CNN2: variants seen among roughly 807,000 people sequenced by gnomAD.
CNN2 encodes the protein calponin-2.
Under a neutral mutation model 31.0 loss-of-function variants are expected in CNN2, and 21 were observed. That is an observed-to-expected ratio of 0.68 (90% CI 0.48 to 0.98). The LOEUF is 0.98. CNN2 is among the 50% of genes least tolerant of loss of function. The pLI is 0.00. For missense variants in CNN2, 399 were observed against 427.3 expected (o/e 0.93, Z 0.58); for synonymous variants, 165 against 179.6 (o/e 0.92, Z 0.65).
At chr19:1,026,788 G>T in intron 1 of CNN2, 64 bp downstream of exon 1, 1 of 1,474,578 alleles carries the variant, frequency 6.8e-7, no homozygotes, top group Non-Finnish European at 9.1e-7. Flanking sequence ...ACCGGTGCAG[G>T]AGCCCCCAGG....
chr19:1,031,564 C>CAAA (rs536524090), intron 2 of CNN2, among the ~76,000 whole-genome samples: 669 of 66,326 alleles, frequency 0.01, 46 homozygotes, highest in African/African-American at 0.045. Flanking sequence ...GACTCCATCT[C>CAAA]AAAAAAAAAA....
intron 2 of CNN2, among the ~76,000 whole-genome samples, chr19:1,032,077 A>T (rs1162139108): frequency 6.6e-6 from 1 of 151,850 alleles, no homozygotes; most frequent in African/African-American, 2.4e-5. Context: ...AAAATGCAAA[A>T]ATTAGCCGGG....
In CNN2 at chr19:1,026,652, C is replaced by T. The variant is rs2039400106; in HGVS notation, c.-10C>T. On this transcript the variant is annotated 5_prime_UTR_variant, in exon 1 of 7. Transcript: ENST00000263097. ...CTGTGCGGCCCCGTCCCGCCGCCCG[C>T]CCGCCAGCCATGAGCTCCACGCAGT... The T allele has an allele frequency of 6.5e-7, 1 of 1,536,652 alleles. No individual in the cohort carries two copies.
In CNN2 at chr19:1,037,824, C is replaced by T. The variant is rs199993114; in HGVS notation, c.854C>T (p.Ser285Leu). 3.1e-5 allele frequency: 50 copies of T among 1,608,250 alleles called. No individual in the cohort carries two copies. The highest frequency in any genetic ancestry group is 5.5e-5 in the South Asian group (5 of 90,954). ...PQGTVADGAP[S>L]GTGDCPDPGE... ...GGCACAGTGGCCGATGGGGCTCCCTCGGGCACCGGCGACTGCCCGGACCCG... is the reference window on the plus strand; with the variant it reads ...GGCACAGTGGCCGATGGGGCTCCCTTGGGCACCGGCGACTGCCCGGACCCG... Residue 285 changes from serine to leucine, a missense_variant, in exon 7 of 7, where the codon TCG (serine) becomes TTG (leucine). Physicochemically the swap from Ser to Leu is moderately radical, Grantham distance 145. Coordinates refer to ENST00000263097, the MANE Select transcript of CNN2 (RefSeq NM_004368.4).
At chr19:1,032,289 G>T in intron 2 of CNN2, 103 bp from the exon 3 acceptor site, 1 of 1,345,322 alleles carries the variant, frequency 7.4e-7, no homozygotes, top group Non-Finnish European at 1.1e-6. Flanking sequence ...CCGTGAGTTT[G>T]CCCAGGAAGG....
intron 6 of CNN2, 71 bp from the exon 7 acceptor site, chr19:1,037,554 G>T: frequency 6.4e-7 from 1 of 1,560,910 alleles, no homozygotes; most frequent in Non-Finnish European, 8.7e-7. Flanking sequence ...TTACAGGCGT[G>T]AGCCAGTGCA....
At chr19:1,036,624 C>G in intron 6 of CNN2, 62 bp downstream of exon 6, 1 of 1,605,140 alleles carries the variant, frequency 6.2e-7, no homozygotes. Flanking sequence ...GTGGTCTCGG[C>G]CCCTCCCTGG....
rs748918294 is a variant in CNN2 at position 1,032,634 on chromosome 19, G to A, written c.328G>A (p.Asp110Asn). The A allele has an allele frequency of 1.1e-5, 18 of 1,612,654 alleles. No homozygotes were observed. The highest frequency in any genetic ancestry group is 7.6e-6 in the Non-Finnish European group (9 of 1,180,000). The change falls in exon 4 of 7, where the codon GAC (aspartate) becomes AAC (asparagine). Residue 110 changes from aspartate (D) to asparagine (N), a missense_variant. By Grantham distance (23) the Asp-to-Asn change is conservative. Coordinates refer to ENST00000263097, the MANE Select transcript of CNN2 (RefSeq NM_004368.4). Reference sequence around the variant, plus strand: ...CCCTGTGGACCTGTTCGAGGCCAACGACCTGTTTGAGAGTGGGAACATGAC... The same window carrying A: ...CCCTGTGGACCTGTTCGAGGCCAACAACCTGTTTGAGAGTGGGAACATGAC... ...MNPVDLFEAN[D>N]LFESGNMTQV...
chr19:1,026,960 C>CT (rs914552294), intron 1 of CNN2: 3 of 493,158 alleles, frequency 6.1e-6, no homozygotes, highest in African/African-American at 2.1e-5. Context: ...TGACCCATTC[C>CT]CCCCCCCAAC....
intron 1 of CNN2, chr19:1,026,965 C>CG (rs937821194): frequency 8.1e-6 from 4 of 491,720 alleles, no homozygotes; most frequent in East Asian, 3.8e-5. Flanking sequence ...CATTCCCCCC[C>CG]CCAACATCTA....
At chr19:1,036,008 G>A (rs1035608031) in intron 4 of CNN2, 122 bp from the exon 5 acceptor site, 39 of 1,408,196 alleles carry the variant, frequency 2.8e-5, no homozygotes, top group Non-Finnish European at 3.5e-5. Context: ...GTGCCTGTGG[G>A]GGCTCTGCGC....
chr19:1,032,324 C>T (rs528097627), intron 2 of CNN2, 68 bp from the exon 3 acceptor site: 58 of 1,585,892 alleles, frequency 3.7e-5, no homozygotes, highest in Admixed American at 2.5e-4. Flanking sequence ...AGATCAGCAT[C>T]GGGTCTTCAC....
intron 6 of CNN2, 176 bp downstream of exon 6, chr19:1,036,738 G>C (rs2039594676): frequency 2.7e-6 from 2 of 747,198 alleles, no homozygotes; most frequent in Admixed American, 4.6e-5. Context: ...TTCAGCCTCT[G>C]TCATTTCCAC....
At chr19:1,032,231 T>A in intron 2 of CNN2, among the ~76,000 whole-genome samples, 161 bp from the exon 3 acceptor site, 1 of 111,104 alleles carries the variant, frequency 9.0e-6, no homozygotes. Context: ...CTAGACGCCG[T>A]CTCAAAAAAA....
intron 2 of CNN2, among the ~76,000 whole-genome samples, chr19:1,031,625 T>G (rs1280331980): frequency 6.6e-6 from 1 of 150,642 alleles, no homozygotes; most frequent in Non-Finnish European, 1.5e-5. Context: ...AAATAATTTT[T>G]TTTTTTTGAG....
At position 1,036,506 on chromosome 19, in the gene CNN2, C is replaced by G. The variant is rs762103709; in HGVS notation, c.598C>G (p.Pro200Ala). ...TGACCCCAAGAACCATATCCTGCCC[C>G]CCATGGACCACTCGACCATCAGCCT... ...LYDPKNHILP[P>A]MDHSTISLQM... Residue 200 changes from proline (P) to alanine (A), a missense_variant, in exon 6 of 7, where the codon CCC becomes GCC. By Grantham distance (27) the Pro-to-Ala change is conservative (BLOSUM62 -1). Coordinates refer to ENST00000263097, the MANE Select transcript of CNN2 (RefSeq NM_004368.4). 3 of 1,613,246 alleles carry G rather than the reference C, an allele frequency of 1.9e-6. No individual in the cohort carries two copies. Among genetic ancestry groups the G allele is most frequent in the Non-Finnish European group, 2.5e-6 (3 of 1,179,372 alleles).
chr19:1,027,968 G>A (rs963177285), intron 1 of CNN2, among the ~76,000 whole-genome samples: 1 of 152,190 alleles, frequency 6.6e-6, no homozygotes, highest in African/African-American at 2.4e-5. Flanking sequence ...GCTTGGGGTG[G>A]TCAAGGCCTG....
intron 4 of CNN2, among the ~76,000 whole-genome samples, chr19:1,033,540 G>A (rs533914992): frequency 2.0e-5 from 3 of 152,372 alleles, no homozygotes; most frequent in African/African-American, 7.2e-5. Flanking sequence ...GCTCTGAACT[G>A]GGAGAAATGC....
At chr19:1,030,604 C>A (rs551662773) in intron 1 of CNN2, among the ~76,000 whole-genome samples, 1 of 151,646 alleles carries the variant, frequency 6.6e-6, no homozygotes, top group Non-Finnish European at 1.5e-5. Context: ...CCAGCCTGGG[C>A]GACAGAGTGA....
Sources: gnomAD v4.1 joint callset for allele counts (sites outside exome capture counted in the v4.1 genomes callset) on GRCh38, gnomAD v4.1.1 for gene constraint, MANE v1.5 for transcripts, NCBI Gene and HGNC (gene_info 2026-07-23, HGNC 2026-07-21) for gene names.